The following FLACC1 variants were observed in gnomAD, a reference collection of about 807,000 sequenced individuals.
The protein encoded by FLACC1 is flagellum-associated coiled-coil domain-containing protein 1.
Under a neutral mutation model 62.8 loss-of-function variants are expected in FLACC1, and 66 were observed. The ratio of observed to expected loss-of-function variants is 1.05; its 90% CI spans 0.86 to 1.29. The LOEUF (loss-of-function observed/expected upper bound fraction) is 1.29. Among genes scored for constraint, FLACC1 ranks in the 50% most tolerant of loss-of-function variants. The probability of loss-of-function intolerance (pLI) is 0.00; values close to 1 mark genes in which losing one functional copy is unlikely to be tolerated. For synonymous variants in FLACC1, 156 were observed against 161.0 expected (o/e 0.97, Z 0.24); for missense variants, 452 against 489.1 (o/e 0.92, Z 0.71).
At chr2:201,323,095 G>A (rs541346600) in intron 9 of FLACC1, among the ~76,000 whole-genome samples, 7 of 152,270 alleles carry the variant, frequency 4.6e-5, no homozygotes, top group African/African-American at 1.7e-4. Flanking sequence ...ATGGGATTAT[G>A]TTAAACAGCC....
At chr2:201,364,286 A>C in the FLACC1 span, among the ~76,000 whole-genome samples, 6 of 152,136 alleles carry the variant, frequency 3.9e-5, no homozygotes, top group Middle Eastern at 3.2e-3. Context: ...AAGAAAAAAA[A>C]CCCCAATAAT....
In FLACC1 at chr2:201,330,795, A is replaced by G. The variant is rs1344106233; in HGVS notation, c.563T>C (p.Leu188Ser). The G allele has an allele frequency of 1.2e-6, 2 of 1,613,638 alleles. No individual in the cohort carries two copies. The highest frequency in any genetic ancestry group is 1.7e-6 in the Non-Finnish European group (2 of 1,179,988). Residue 188 changes from leucine (L) to serine (S), a missense_variant, in exon 8 of 15, where the codon TTG becomes TCG. By Grantham distance (145) the Leu-to-Ser change is moderately radical. Transcript: ENST00000392257. ...CAAGGCTGCTTTGTAGTTGTTCTCC[A>G]ACTCACTGAGTTCTGCTTCATGGGC... ...KEAHEAELSE[L>S]ENNYKAALKA...
At position 201,289,746 on chromosome 2, in the gene FLACC1, C is replaced by T. The variant is rs773642392; in HGVS notation, c.982G>A (p.Glu328Lys). Reference protein sequence around the residue: ...EELHAQALILESLNTNLYYTQ... With the variant: ...EELHAQALILKSLNTNLYYTQ... ...TAGTAGAGGTTTGTGTTCAGTGACT[C>T]TAGGATAAGGGCTTGTGCATGCAAT... Residue 328 changes from glutamate (E) to lysine (K), a missense_variant, in exon 13 of 15, where the codon GAG (glutamate) becomes AAG (lysine). Transcript: ENST00000392257. 1.9e-6 allele frequency: 3 copies of T among 1,614,016 alleles called. No individual in the cohort carries two copies. The African/African-American group carries it at 4.0e-5, about 22-fold the overall frequency.
intron 3 of FLACC1, 48 bp from the exon 4 acceptor site, chr2:201,348,350 G>T: frequency 6.3e-7 from 1 of 1,597,638 alleles, no homozygotes; most frequent in Non-Finnish European, 8.5e-7. Flanking sequence ...GCAAAGAGAA[G>T]TTCAAAGCTT....
chr2:201,289,749 G>C lies in FLACC1; in HGVS notation c.979C>G (p.Leu327Val). 1 of 1,614,124 alleles carries C rather than the reference G, an allele frequency of 6.2e-7. No homozygotes were observed. Among genetic ancestry groups the C allele is most frequent in the East Asian group, 2.2e-5 (1 of 44,874 alleles). ...QEELHAQALI[L>V]ESLNTNLYYT... is the part of the protein sequence containing the mutation. Reference sequence around the variant, plus strand: ...TAGAGGTTTGTGTTCAGTGACTCTAGGATAAGGGCTTGTGCATGCAATTCT... The same window carrying C: ...TAGAGGTTTGTGTTCAGTGACTCTACGATAAGGGCTTGTGCATGCAATTCT... The change falls in exon 13 of 15, where the codon CTA (leucine) becomes GTA (valine). Residue 327 changes from leucine (L) to valine (V), a missense_variant. Physicochemically the swap from Leu to Val is conservative, Grantham distance 32. Around this residue, in one of 3 missense-constraint regions of FLACC1, gnomAD observed 301 missense variants for 318.4 expected, o/e 0.95. Coordinates refer to ENST00000392257, the MANE Select transcript of FLACC1 (RefSeq NM_001127391.3).
At chr2:201,345,486 A>T (rs570282527) in intron 5 of FLACC1, among the ~76,000 whole-genome samples, 3,871 of 118,786 alleles carry the variant, frequency 0.033, 77 homozygotes, top group Non-Finnish European at 0.047. Flanking sequence ...GTGTGTGTGT[A>T]TGTGTGTGTG....
chr2:201,310,156 T>C (rs1352066070), intron 9 of FLACC1, among the ~76,000 whole-genome samples: 2 of 152,116 alleles, frequency 1.3e-5, no homozygotes, highest in Non-Finnish European at 2.9e-5. Context: ...CCAAGGACGC[T>C]GACTGCCTTA....
intron 9 of FLACC1, among the ~76,000 whole-genome samples, chr2:201,323,784 CAAAAAAA>C (rs71022362): frequency 2.1e-4 from 11 of 52,770 alleles, no homozygotes; most frequent in African/African-American, 1.0e-3. Flanking sequence ...CAGACTCTAT[CAAAAAAA>C]AAAAAAAAAA....
At position 201,289,443 on chromosome 2, in the gene FLACC1, A is replaced by G; in HGVS notation, c.1142+14T>C. On this transcript the variant is annotated intron_variant, in intron 14 of 14. Transcript: ENST00000392257. Reference sequence around the variant, plus strand: ...AAGAGAACTCAGCTATGTCTTTTTCAGCAGCAGCCGCACTTCAGATGAATG... The same window carrying G: ...AAGAGAACTCAGCTATGTCTTTTTCGGCAGCAGCCGCACTTCAGATGAATG... 1.9e-6 allele frequency: 3 copies of G among 1,611,252 alleles called. No homozygotes were observed. Among genetic ancestry groups the G allele is most frequent in the Non-Finnish European group, 2.5e-6 (3 of 1,177,476 alleles).
In FLACC1 at chr2:201,336,813, ATTTT is replaced by A. The variant is rs373407084; in HGVS notation, c.524+5553_524+5556del. Among the ~76,000 whole-genome samples, 321 of 152,168 alleles carry A rather than the reference ATTTT, an allele frequency of 2.1e-3. 3 individuals carry two copies. The highest frequency in any genetic ancestry group is 7.2e-3 in the African/African-American group (300 of 41,506). ...CTCCACATCTTTGTCAATATATGTT[ATTTT>A]TTGTCTTTTTATAATAGCCATTCTA... On this transcript the variant is annotated intron_variant, in intron 7 of 14. Transcript: ENST00000392257.
upstream of FLACC1, among the ~76,000 whole-genome samples, chr2:201,360,620 C>T (rs1036944219): frequency 2.6e-5 from 4 of 152,170 alleles, no homozygotes; most frequent in Admixed American, 6.5e-5. Context: ...ATGCTAACTC[C>T]CATGGATCAT....
At chr2:201,311,241 A>G (rs1016827065) in intron 9 of FLACC1, among the ~76,000 whole-genome samples, 3 of 152,006 alleles carry the variant, frequency 2.0e-5, no homozygotes, top group Non-Finnish European at 4.4e-5. Flanking sequence ...TACCAATTCT[A>G]CTGAAACTAT....
intron 9 of FLACC1, among the ~76,000 whole-genome samples, chr2:201,318,519 G>C: frequency 6.6e-6 from 1 of 151,948 alleles, no homozygotes; most frequent in Middle Eastern, 3.2e-3. Flanking sequence ...AATGATCAGG[G>C]AAATGCAAAT....
intron 11 of FLACC1, among the ~76,000 whole-genome samples, chr2:201,300,493 G>C (rs1211910799): frequency 6.6e-6 from 1 of 152,182 alleles, no homozygotes; most frequent in Non-Finnish European, 1.5e-5. Flanking sequence ...TTCCACTTCT[G>C]GGGGCAGGGC....
At chr2:201,347,889 C>T (rs1190530236) in intron 4 of FLACC1, among the ~76,000 whole-genome samples, 1 of 152,190 alleles carries the variant, frequency 6.6e-6, no homozygotes, top group Non-Finnish European at 1.5e-5. Context: ...TGAGGGGTCC[C>T]GGCAGCCTCT....
chr2:201,345,296 C>A (rs1199113364), intron 5 of FLACC1, among the ~76,000 whole-genome samples: 2 of 152,268 alleles, frequency 1.3e-5, no homozygotes, highest in East Asian at 3.9e-4. Context: ...GGGTGGCCCT[C>A]TGGGCCAGGT....
intron 9 of FLACC1, among the ~76,000 whole-genome samples, chr2:201,321,196 G>A (rs1950397374): frequency 6.6e-6 from 1 of 152,184 alleles, no homozygotes; most frequent in African/African-American, 2.4e-5. Flanking sequence ...TTGAAGAGAG[G>A]TCACATCACT....
intron 14 of FLACC1, among the ~76,000 whole-genome samples, chr2:201,288,994 A>G (rs1401761759): frequency 6.6e-6 from 1 of 152,236 alleles, no homozygotes; most frequent in African/African-American, 2.4e-5. Flanking sequence ...TGCAATAAAT[A>G]ACTTTCTTCT....
intron 9 of FLACC1, among the ~76,000 whole-genome samples, chr2:201,319,492 A>G (rs13410223): frequency 0.054 from 8,210 of 152,270 alleles, 617 homozygotes; most frequent in African/African-American, 0.16. Flanking sequence ...AACTGCAACA[A>G]AAACAAAAAT....
Sources: gnomAD v4.1 joint callset for allele counts (sites outside exome capture counted in the v4.1 genomes callset) on GRCh38, gnomAD v4.1.1 for gene constraint, gnomAD v4.1.1 regional missense constraint, MANE v1.5 for transcripts, NCBI Gene and HGNC (gene_info 2026-07-23, HGNC 2026-07-21) for gene names.